NXN: variants seen among roughly 807,000 people sequenced by gnomAD.
NXN encodes nucleoredoxin, also known as nucleoredoxin 1.
Under a neutral mutation model 48.6 loss-of-function variants are expected in NXN, and 16 were observed. The ratio of observed to expected loss-of-function variants is 0.33; its 90% CI spans 0.22 to 0.50. NXN has a LOEUF of 0.50. NXN is among the 20% of genes least tolerant of loss of function. The probability of loss-of-function intolerance (pLI) is 0.98; values close to 1 mark genes in which losing one functional copy is unlikely to be tolerated. For missense variants in NXN, 492 were observed against 605.5 expected (o/e 0.81, Z 1.97); for synonymous variants, 281 against 269.6 (o/e 1.04, Z -0.41).
rs995880831 is a variant in NXN at position 956,506 on chromosome 17, C to T, written c.360+22813G>A. Among the ~76,000 whole-genome samples, 6 of 152,158 alleles carry T rather than the reference C, an allele frequency of 3.9e-5. No individual in the cohort carries two copies. Among genetic ancestry groups the T allele is most frequent in the Non-Finnish European group, 7.4e-5 (5 of 68,008 alleles). On this transcript the variant is annotated intron_variant, in intron 1 of 7. Coordinates refer to ENST00000336868, the MANE Select transcript of NXN (RefSeq NM_022463.5). This position sits in a 1 kb window ranked among gnomAD's most constrained non-coding sequence, Gnocchi z 4.1. ...TCAGCTCACTGCAACCTCCACCTCC[C>T]GGGTTCCCGCCATTCTCCTGCCTCA...
intron 6 of NXN, 48 bp downstream of exon 6, chr17:805,020 T>TCCCCCCCCCCCCCCCCCCCC: frequency 6.6e-7 from 1 of 1,512,884 alleles, no homozygotes; most frequent in Non-Finnish European, 9.0e-7. Context: ...GCCCCTCCTG[T>TCCCCCCCCCCCCCCCCCCCC]CCCGCCCCCC....
intron 7 of NXN, 103 bp downstream of exon 7, chr17:803,579 C>G (rs910267648): frequency 6.8e-7 from 1 of 1,470,496 alleles, no homozygotes; most frequent in Non-Finnish European, 9.4e-7. Context: ...CACAGGCAGC[C>G]CTGACCCTGG....
chr17:979,331 C>T lies in NXN; in HGVS notation c.348G>A (p.Glu116=), dbSNP rs2069508296. 6.5e-7 allele frequency: 1 copy of T among 1,531,896 alleles called. No homozygotes were observed. Among genetic ancestry groups the T allele is most frequent in the Non-Finnish European group, 8.7e-7 (1 of 1,144,500 alleles). 94.9% of individuals were successfully genotyped at this position (1,531,896 alleles called of 1,614,324 possible). ...CCGCGCCGCTCACCTTCCTGTGCTT[C>T]TCCTTGTAGGGCAGCGCCAGCCACG... is the stretch of plus-strand genomic sequence containing the variant. The part of the protein sequence containing the change: ...DMPWLALPYK[E]KHRKLKLWNK... Residue 116 remains glutamate (E), a synonymous_variant, in exon 1 of 8, where the codon GAG becomes GAA. Transcript: ENST00000336868.
At chr17:929,122 C>A (rs1421646092) in intron 1 of NXN, among the ~76,000 whole-genome samples, 2 of 152,186 alleles carry the variant, frequency 1.3e-5, no homozygotes, top group African/African-American at 4.8e-5. Context: ...CACATAAAAA[C>A]CCAGTTTGTT....
chr17:809,629 G>T (rs1309862593), intron 5 of NXN, among the ~76,000 whole-genome samples: 1 of 152,202 alleles, frequency 6.6e-6, no homozygotes, highest in Non-Finnish European at 1.5e-5. Context: ...TGGGAGCTGG[G>T]AGGAGCAATG....
intron 1 of NXN, among the ~76,000 whole-genome samples, chr17:925,898 T>C (rs1303250701): frequency 6.6e-6 from 1 of 152,228 alleles, no homozygotes; most frequent in African/African-American, 2.4e-5. Context: ...CTTTAGTTTA[T>C]CCAAAACTCC....
intron 1 of NXN, among the ~76,000 whole-genome samples, chr17:842,034 G>GATTCTCCTC (rs1404398435): frequency 3.3e-5 from 5 of 152,152 alleles, no homozygotes; most frequent in Non-Finnish European, 7.3e-5. Flanking sequence ...AACTCAGGAG[G>GATTCTCCTC]CTGCGGCAGG....
chr17:822,147 C>A (rs566299128), intron 4 of NXN, among the ~76,000 whole-genome samples: 1 of 151,706 alleles, frequency 6.6e-6, no homozygotes, highest in South Asian at 2.1e-4. Context: ...GGCATGGTGG[C>A]GGGCACCTGT....
intron 4 of NXN, among the ~76,000 whole-genome samples, chr17:819,839 G>C (rs1468576708): frequency 6.6e-6 from 1 of 152,158 alleles, no homozygotes; most frequent in Non-Finnish European, 1.5e-5. Context: ...AGCACAGACA[G>C]GTCTTTCTTG....
chr17:971,182 G>A (rs1803801829), intron 1 of NXN, among the ~76,000 whole-genome samples: 1 of 151,970 alleles, frequency 6.6e-6, no homozygotes, highest in Non-Finnish European at 1.5e-5. Flanking sequence ...CCAACCTCAG[G>A]TGATCCGCCC....
chr17:837,651 A>T (rs1294756167), intron 1 of NXN, among the ~76,000 whole-genome samples: 1 of 152,178 alleles, frequency 6.6e-6, no homozygotes, highest in Non-Finnish European at 1.5e-5. Context: ...ATTCGAATCC[A>T]GCGCTGGTGG....
At position 844,745 on chromosome 17, in the gene NXN, C is replaced by T. The variant is rs573418002; in HGVS notation, c.361-18667G>A. On this transcript the variant is annotated intron_variant, in intron 1 of 7. Coordinates refer to ENST00000336868, the MANE Select transcript of NXN (RefSeq NM_022463.5). ...GATTACAGGCACCTGCCACCATACC[C>T]GGCTAATTTTGGTATTTTTAGTAGA... Among the ~76,000 whole-genome samples, 4 of 152,150 alleles carry T rather than the reference C, an allele frequency of 2.6e-5. No individual in the cohort carries two copies. In the South Asian group the frequency reaches 6.2e-4, roughly 24 times the overall value.
intron 1 of NXN, among the ~76,000 whole-genome samples, chr17:945,614 G>C (rs939305775): frequency 2.9e-5 from 4 of 136,776 alleles, no homozygotes; most frequent in African/African-American, 1.2e-4. Flanking sequence ...CTGGGCGAGA[G>C]AGTGACTCCG....
chr17:895,830 A>C (rs2068478249), intron 1 of NXN, among the ~76,000 whole-genome samples: 1 of 105,326 alleles, frequency 9.5e-6, no homozygotes, highest in Non-Finnish European at 2.3e-5. Flanking sequence ...AACAAACAAA[A>C]AAACTAATTT....
chr17:902,873 G>T (rs1386895517), intron 1 of NXN, among the ~76,000 whole-genome samples: 23 of 151,608 alleles, frequency 1.5e-4, no homozygotes, highest in African/African-American at 5.3e-4. Flanking sequence ...CCGCCTCCCG[G>T]GTTCAAGCGA....
At chr17:886,732 C>T (rs186582280) in intron 1 of NXN, among the ~76,000 whole-genome samples, 156 of 150,476 alleles carry the variant, frequency 1.0e-3, no homozygotes, top group African/African-American at 3.7e-3. Context: ...GAGCTGAGAT[C>T]GTGCCACTGC....
At chr17:846,149 C>G (rs1215619170) in intron 1 of NXN, among the ~76,000 whole-genome samples, 1 of 152,000 alleles carries the variant, frequency 6.6e-6, no homozygotes, top group Non-Finnish European at 1.5e-5. Context: ...AAGGAAATTG[C>G]CAGGCACGGT....
intron 1 of NXN, among the ~76,000 whole-genome samples, chr17:868,377 G>A (rs1169369495): frequency 6.6e-6 from 1 of 152,140 alleles, no homozygotes; most frequent in Admixed American, 6.5e-5. Flanking sequence ...CTCTCATCCA[G>A]CCAGCAGGGT....
chr17:925,524 G>A (rs1008841073), intron 1 of NXN, among the ~76,000 whole-genome samples: 1 of 152,204 alleles, frequency 6.6e-6, no homozygotes, highest in South Asian at 2.1e-4. Flanking sequence ...GAGTAGCTGG[G>A]ATTACAGGCG....
Sources: allele counts gnomAD v4.1 joint callset (sites outside exome capture counted in the v4.1 genomes callset), GRCh38; gene constraint gnomAD v4.1.1; non-coding constraint Gnocchi (gnomAD v3.1); transcripts MANE v1.5; gene names NCBI Gene and HGNC (gene_info 2026-07-23, HGNC 2026-07-21).